Variants in CHD7 observed in about 807,000 individuals in gnomAD.
The protein encoded by CHD7 is ATP-dependent chromatin remodeler CHD7.
Under a neutral mutation model 307.3 loss-of-function variants are expected in CHD7, and 24 were observed. That is an observed-to-expected ratio of 0.08 (90% CI 0.06 to 0.11). The LOEUF (loss-of-function observed/expected upper bound fraction) is 0.11, where lower values mean the gene tolerates loss of function less well. Ranked by LOEUF, CHD7 falls within the 10% of genes least tolerant of loss-of-function variation. The probability of loss-of-function intolerance (pLI) is 1.00; values close to 1 mark genes in which losing one functional copy is unlikely to be tolerated. For missense variants in CHD7, 3,106 were observed against 3,727.1 expected (o/e 0.83, Z 4.34); for synonymous variants, 1,363 against 1,349.9 (o/e 1.01, Z -0.21).
chr8:60,856,198 C>A lies in CHD7; in HGVS notation c.7160C>A (p.Ser2387Ter). The A allele has an allele frequency of 6.3e-7, 1 of 1,579,364 alleles. No individual in the cohort carries two copies. The highest frequency in any genetic ancestry group is 1.2e-5 in the South Asian group (1 of 86,510). Reference protein sequence around the residue: ...SEDITTSPQLSKEDALNLSVP... With the variant: ...SEDITTSPQL ...GACATCACTACGTCTCCTCAGTTGT[C>A]AAAGGTGAATTAGAATGGCTTGTTT... Residue 2387 changes from serine to a stop codon, truncating the protein, a stop_gained, in exon 33 of 38, where the codon TCA (serine) becomes TAA (stop). Coordinates refer to ENST00000423902, the MANE Select transcript of CHD7 (RefSeq NM_017780.4). LOFTEE classifies it high-confidence loss of function.
chr8:60,770,200 T>A lies in CHD7; in HGVS notation c.1666-10800T>A, dbSNP rs187240468. Among the ~76,000 whole-genome samples the A allele has an allele frequency of 1.2e-4, 19 of 152,328 alleles. 1 individual carries two copies. Among genetic ancestry groups the A allele is most frequent in the South Asian group, 4.1e-4 (2 of 4,822 alleles). On this transcript the variant is annotated intron_variant, in intron 2 of 37. Coordinates refer to ENST00000423902, the MANE Select transcript of CHD7 (RefSeq NM_017780.4). ...TTTATTAAGTTATTCTGTTCTGCAG[T>A]TGTTATTGAGGGATTGTATTCAGAT...
chr8:60,795,056 G>C lies in CHD7; in HGVS notation c.2167G>C (p.Glu723Gln). 6.2e-7 allele frequency: 1 copy of C among 1,613,880 alleles called. No homozygotes were observed. The highest frequency in any genetic ancestry group is 2.2e-5 in the East Asian group (1 of 44,870). Residue 723 changes from glutamate (E) to glutamine (Q), a missense_variant, in exon 4 of 38, where the codon GAA (glutamate) becomes CAA (glutamine). Around this residue, in one of 10 missense-constraint regions of CHD7, gnomAD observed 998 missense variants for 1,004.5 expected, o/e 0.99. Coordinates refer to ENST00000423902, the MANE Select transcript of CHD7 (RefSeq NM_017780.4). Reference protein sequence around the residue: ...KVNKGKTEGSENSDLDKTPPP... With the variant: ...KVNKGKTEGSQNSDLDKTPPP... Reference sequence around the variant, plus strand: ...CAACAAGGGAAAAACAGAAGGTTCTGAAAATTCAGACTTAGACAAAACACC... The same window carrying C: ...CAACAAGGGAAAAACAGAAGGTTCTCAAAATTCAGACTTAGACAAAACACC...
At chr8:60,832,727 C>A (rs1483207018) in intron 15 of CHD7, among the ~76,000 whole-genome samples, 3 of 152,202 alleles carry the variant, frequency 2.0e-5, no homozygotes, top group Admixed American at 2.0e-4. Flanking sequence ...CCTGTTTGGT[C>A]ATATGTTAAT....
intron 3 of CHD7, among the ~76,000 whole-genome samples, chr8:60,782,380 C>G (rs1811293214): frequency 1.3e-5 from 2 of 152,110 alleles, no homozygotes; most frequent in African/African-American, 4.8e-5. Context: ...TGTGCATGCC[C>G]AAGTACACAA....
chr8:60,860,973 C>T lies in CHD7; in HGVS notation c.7678C>T (p.Pro2560Ser), dbSNP rs748036782. The T allele has an allele frequency of 6.2e-6, 10 of 1,614,004 alleles. No homozygotes were observed. The highest frequency in any genetic ancestry group is 3.3e-5 in the Admixed American group (2 of 60,026). The change falls in exon 35 of 38, where the codon CCC becomes TCC. Residue 2560 changes from proline to serine, a missense_variant. Coordinates refer to ENST00000423902, the MANE Select transcript of CHD7 (RefSeq NM_017780.4). ...CCCACCAACAAGAAACATTCCTTCTCCCGGACAGCTGGACCCAGACACACG... is the reference window on the plus strand; with the variant it reads ...CCCACCAACAAGAAACATTCCTTCTTCCGGACAGCTGGACCCAGACACACG... ...ETPPTRNIPS[P>S]GQLDPDTRIP...
intron 1 of CHD7, among the ~76,000 whole-genome samples, chr8:60,686,273 C>G (rs1257622448): frequency 6.6e-6 from 1 of 151,952 alleles, no homozygotes; most frequent in African/African-American, 2.4e-5. Context: ...CTAACTTCAG[C>G]TTCAGATGGG....
intron 34 of CHD7, among the ~76,000 whole-genome samples, chr8:60,859,502 G>A (rs1805869577): frequency 6.6e-6 from 1 of 152,192 alleles, no homozygotes; most frequent in Non-Finnish European, 1.5e-5. Context: ...ATGTGTCCTG[G>A]TTGTTCATGT....
intron 19 of CHD7, among the ~76,000 whole-genome samples, chr8:60,840,171 A>AG (rs1157538367): frequency 1.3e-5 from 2 of 152,212 alleles, no homozygotes; most frequent in African/African-American, 4.8e-5. Flanking sequence ...GGTGTGAGGT[A>AG]GGGGTCCAAC....
chr8:60,790,550 T>C (rs1235964762), intron 3 of CHD7, among the ~76,000 whole-genome samples: 1 of 152,216 alleles, frequency 6.6e-6, no homozygotes, highest in Non-Finnish European at 1.5e-5. Context: ...TGGGGGTTTC[T>C]TATATGAGTT....
chr8:60,836,075 G>T lies in CHD7; in HGVS notation c.3781G>T (p.Ala1261Ser), dbSNP rs752911585. 6.2e-7 allele frequency: 1 copy of T among 1,605,378 alleles called. No homozygotes were observed. Among genetic ancestry groups the T allele is most frequent in the South Asian group, 1.1e-5 (1 of 89,552 alleles). Residue 1261 changes from alanine (A) to serine (S), a missense_variant and splice_region_variant, in exon 16 of 38, where the codon GCT becomes TCT. Around this residue, in one of 10 missense-constraint regions of CHD7, gnomAD observed 232 missense variants for 422.5 expected, o/e 0.55. Transcript: ENST00000423902. The stretch of plus-strand genomic sequence containing the variant: ...GTTATGCTGTCCAATCTCTGCAGGT[G>T]CTGAAGAGAAAATTTTGGAAGAGTT... Reference protein sequence around the residue: ...CCNHPYLINGAEEKILEEFKE... With the variant: ...CCNHPYLINGSEEKILEEFKE...
chr8:60,812,063 A>G (rs999606367), intron 7 of CHD7, among the ~76,000 whole-genome samples: 6 of 152,130 alleles, frequency 3.9e-5, no homozygotes, highest in African/African-American at 1.4e-4. Context: ...ATCTTGGGTT[A>G]TATGTTGCAA....
intron 18 of CHD7, 112 bp from the exon 19 acceptor site, chr8:60,837,964 C>G: frequency 1.6e-6 from 2 of 1,248,828 alleles, no homozygotes; most frequent in Non-Finnish European, 2.2e-6. Context: ...GTAACACTTT[C>G]CTTTGTTATA....
chr8:60,787,297 A>C (rs961378683), intron 3 of CHD7, among the ~76,000 whole-genome samples: 11 of 152,190 alleles, frequency 7.2e-5, no homozygotes, highest in Non-Finnish European at 1.6e-4. Context: ...GGCAGATTAG[A>C]GACCGTAATG....
intron 1 of CHD7, among the ~76,000 whole-genome samples, chr8:60,731,915 G>A (rs941945402): frequency 6.6e-6 from 1 of 152,180 alleles, no homozygotes; most frequent in African/African-American, 2.4e-5. Flanking sequence ...AACAGGCATG[G>A]GTCTTCGAAA....
At chr8:60,822,418 G>T (rs1297571526) in intron 11 of CHD7, 85 bp from the exon 12 acceptor site, 48 of 1,329,530 alleles carry the variant, frequency 3.6e-5, no homozygotes, top group Non-Finnish European at 4.6e-5. Context: ...GCATTTGTGG[G>T]TACAATGGTA....
intron 7 of CHD7, among the ~76,000 whole-genome samples, chr8:60,808,503 T>G (rs555621175): frequency 2.0e-5 from 3 of 152,364 alleles, no homozygotes; most frequent in East Asian, 3.9e-4. Flanking sequence ...AACCAATAAG[T>G]ATTTTTTTAG....
At chr8:60,856,958 TGCTGG>T in intron 34 of CHD7, 70 bp downstream of exon 34, 1 of 1,365,418 alleles carries the variant, frequency 7.3e-7, no homozygotes, top group Non-Finnish European at 1.0e-6. Flanking sequence ...ATGCTCACGA[TGCTGG>T]GCTGTGTTTC....
chr8:60,852,814 C>T lies in CHD7; in HGVS notation c.6104-15C>T, dbSNP rs1805512477. On this transcript the variant is annotated splice_polypyrimidine_tract_variant and intron_variant, in intron 30 of 37. Transcript: ENST00000423902. The stretch of plus-strand genomic sequence containing the variant: ...GAATTCTCCCCAAGTAAATATGAGC[C>T]CTTCTGTGTTACAGAACCGCCCGAC... 1 of 1,610,024 alleles carries T rather than the reference C, an allele frequency of 6.2e-7. No homozygotes were observed. The highest frequency in any genetic ancestry group is 8.5e-7 in the Non-Finnish European group (1 of 1,177,014).
At chr8:60,850,902 G>T in intron 26 of CHD7, 130 bp from the exon 27 acceptor site, 1 of 714,684 alleles carries the variant, frequency 1.4e-6, no homozygotes, top group Non-Finnish European at 2.3e-6. Flanking sequence ...AATACTGATA[G>T]AGTTGCTTTT....
Sources: gnomAD v4.1 joint callset for allele counts (sites outside exome capture counted in the v4.1 genomes callset) on GRCh38, gnomAD v4.1.1 for gene constraint, gnomAD v4.1.1 regional missense constraint, MANE v1.5 for transcripts, NCBI Gene and HGNC (gene_info 2026-07-23, HGNC 2026-07-21) for gene names.